The following PLCB1 variants were observed in gnomAD, a reference collection of about 807,000 sequenced individuals.
PLCB1 encodes the protein phospholipase C beta 1, also known as 1-phosphatidylinositol 4,5-bisphosphate phosphodiesterase beta-1.
Under a neutral mutation model 161.8 loss-of-function variants are expected in PLCB1, and 46 were observed. That is an observed-to-expected ratio of 0.28 (90% CI 0.22 to 0.36). PLCB1 has a LOEUF of 0.36. Among genes scored for constraint, PLCB1 ranks in the 10% least tolerant of loss-of-function variants. The probability of loss-of-function intolerance (pLI) is 1.00; values close to 1 mark genes in which losing one functional copy is unlikely to be tolerated. For synonymous variants in PLCB1, 517 were observed against 503.7 expected, an observed-to-expected ratio of 1.03 and a Z score of -0.35; for missense variants, 1,016 against 1,472.5, an observed-to-expected ratio of 0.69 and a Z score of 5.07.
chr20:8,677,897 T>C (rs1990125856), intron 9 of PLCB1, among the ~76,000 whole-genome samples: 1 of 152,032 alleles, frequency 6.6e-6, no homozygotes, highest in Non-Finnish European at 1.5e-5. Flanking sequence ...TAACTAAAAT[T>C]AAAAAATTAA....
At chr20:8,235,009 G>T (rs1980246840) in intron 2 of PLCB1, among the ~76,000 whole-genome samples, 1 of 152,032 alleles carries the variant, frequency 6.6e-6, no homozygotes, top group East Asian at 1.9e-4. Flanking sequence ...TTTCAATAAT[G>T]ATTTTTACAT....
chr20:8,371,492 A>G, intron 3 of PLCB1, 42 bp downstream of exon 3: 1 of 1,374,436 alleles, frequency 7.3e-7, no homozygotes, highest in Non-Finnish European at 1.0e-6. Context: ...TGCTGCCTTG[A>G]TTGTTTGGCT....
chr20:8,878,721 A>G (rs986028593), intron 31 of PLCB1, among the ~76,000 whole-genome samples: 3 of 151,500 alleles, frequency 2.0e-5, no homozygotes, highest in African/African-American at 7.3e-5. Context: ...TTATTTTTTC[A>G]TTTTCTATTT....
chr20:8,492,061 C>A (rs1389419734), intron 3 of PLCB1, among the ~76,000 whole-genome samples: 1 of 151,926 alleles, frequency 6.6e-6, no homozygotes, highest in Non-Finnish European at 1.5e-5. Flanking sequence ...TATATATATT[C>A]TTGGTTCAAG....
chr20:8,552,903 A>G (rs1272990299), intron 3 of PLCB1, among the ~76,000 whole-genome samples: 2 of 152,108 alleles, frequency 1.3e-5, no homozygotes, highest in African/African-American at 4.8e-5. Flanking sequence ...TTCATGGTGA[A>G]TATGTGTTAA....
At chr20:8,749,259 G>A (rs1427916939) in intron 23 of PLCB1, among the ~76,000 whole-genome samples, 1 of 152,162 alleles carries the variant, frequency 6.6e-6, no homozygotes, top group Non-Finnish European at 1.5e-5. Context: ...ATGCTGGTCT[G>A]GGGACCACAC....
At chr20:8,807,079 C>T (rs62195027) in intron 31 of PLCB1, among the ~76,000 whole-genome samples, 7 of 152,262 alleles carry the variant, frequency 4.6e-5, no homozygotes, top group South Asian at 4.1e-4. Flanking sequence ...ACAAAGAAGG[C>T]GTCTACCAGC....
intron 11 of PLCB1, among the ~76,000 whole-genome samples, chr20:8,706,971 G>A (rs1978716793): frequency 6.6e-6 from 1 of 152,102 alleles, no homozygotes; most frequent in Non-Finnish European, 1.5e-5. Context: ...AATCTCAGAG[G>A]CAAGGATTCA....
At chr20:8,589,211 C>A (rs77933949) in intron 3 of PLCB1, among the ~76,000 whole-genome samples, 7 of 151,670 alleles carry the variant, frequency 4.6e-5, no homozygotes, top group Admixed American at 2.6e-4. Flanking sequence ...AAACTCACTC[C>A]TTCATTCAAC....
rs1349508431 is a variant in PLCB1 at position 8,800,277 on chromosome 20, C to CCTT, written c.3423+10016_3423+10017insCTT. On this transcript the variant is annotated intron_variant, in intron 31 of 31. Coordinates refer to ENST00000338037, the MANE Select transcript of PLCB1 (RefSeq NM_015192.4). ...TATTATATCTAAGGCCATATTCATG[C>CCTT]AGCAAATTCACCACTTGGAGTGCTG... Among the ~76,000 whole-genome samples, 3 of 152,220 alleles carry CCTT rather than the reference C, an allele frequency of 2.0e-5. No individual in the cohort carries two copies. The East Asian group carries it at 5.8e-4, about 29-fold the overall frequency.
intron 3 of PLCB1, among the ~76,000 whole-genome samples, chr20:8,562,828 T>G (rs1043948442): frequency 6.6e-6 from 1 of 152,018 alleles, no homozygotes; most frequent in Non-Finnish European, 1.5e-5. Context: ...ATTACTACCT[T>G]TGGTGATATT....
chr20:8,866,414 T>A (rs954541992), intron 31 of PLCB1, among the ~76,000 whole-genome samples: 1 of 152,120 alleles, frequency 6.6e-6, no homozygotes, highest in Admixed American at 6.5e-5. Context: ...CCAGCAGACT[T>A]TCAGATGGTT....
chr20:8,573,761 C>G (rs1986594845), intron 3 of PLCB1, among the ~76,000 whole-genome samples: 1 of 152,160 alleles, frequency 6.6e-6, no homozygotes, highest in Admixed American at 6.5e-5. Context: ...TCTTGCTTCT[C>G]TCCAAGCAGG....
chr20:8,821,501 G>GTA (rs552044656), intron 31 of PLCB1, among the ~76,000 whole-genome samples: 7 of 42,400 alleles, frequency 1.7e-4, no homozygotes, highest in East Asian at 9.6e-4. Flanking sequence ...AAAAAAATAT[G>GTA]TATATATATA....
chr20:8,574,797 G>T (rs1403612232), intron 3 of PLCB1, among the ~76,000 whole-genome samples: 1 of 152,194 alleles, frequency 6.6e-6, no homozygotes, highest in Non-Finnish European at 1.5e-5. Flanking sequence ...GTTTCCAGGA[G>T]ACATCAACTC....
At chr20:8,188,560 G>T (rs925929196) in intron 2 of PLCB1, among the ~76,000 whole-genome samples, 1 of 152,174 alleles carries the variant, frequency 6.6e-6, no homozygotes, top group Non-Finnish European at 1.5e-5. Context: ...TGGATTGCTA[G>T]ACAGAAGTAT....
At chr20:8,644,484 G>A (rs1288494637) in intron 4 of PLCB1, among the ~76,000 whole-genome samples, 6 of 146,524 alleles carry the variant, frequency 4.1e-5, no homozygotes, top group East Asian at 4.2e-4. Flanking sequence ...CTGCCCAGCC[G>A]CGACCCCGTC....
At chr20:8,594,663 C>G (rs1330668279) in intron 3 of PLCB1, among the ~76,000 whole-genome samples, 3 of 151,802 alleles carry the variant, frequency 2.0e-5, no homozygotes, top group Admixed American at 6.6e-5. Context: ...TGCAAAAGCT[C>G]CTTAGTATAT....
At position 8,346,303 on chromosome 20, in the gene PLCB1, A is replaced by G. The variant is rs922401873; in HGVS notation, c.178-25079A>G. The stretch of plus-strand genomic sequence containing the variant: ...TATTTACTCATGATGAAAGGCCTAC[A>G]TGCAATAAAGAAAATTAAGCAAACC... On this transcript the variant is annotated intron_variant, in intron 2 of 31. Transcript: ENST00000338037. 6.6e-5 allele frequency among the ~76,000 whole-genome samples: 10 copies of G among 152,322 alleles called. No homozygotes were observed. In the East Asian group the frequency reaches 1.9e-3, roughly 29 times the overall value.
Sources: gnomAD v4.1 joint callset for allele counts (sites outside exome capture counted in the v4.1 genomes callset) on GRCh38, gnomAD v4.1.1 for gene constraint, MANE v1.5 for transcripts, NCBI Gene and HGNC (gene_info 2026-07-23, HGNC 2026-07-21) for gene names.